Variants in TBC1D22A observed in about 807,000 individuals in gnomAD.
TBC1D22A encodes TBC1 domain family member 22A, also known as putative GTPase activator.
Under a neutral mutation model 60.2 loss-of-function variants are expected in TBC1D22A, and 38 were observed. That is an observed-to-expected ratio of 0.63 (90% CI 0.49 to 0.83). The LOEUF is 0.83. Ranked by LOEUF, TBC1D22A falls within the 40% of genes least tolerant of loss-of-function variation. The pLI, the probability that TBC1D22A is intolerant of heterozygous loss-of-function variation, is 0.00. For missense variants in TBC1D22A, 628 were observed against 701.0 expected, an observed-to-expected ratio of 0.90 and a Z score of 1.18; for synonymous variants, 302 against 281.7, an observed-to-expected ratio of 1.07 and a Z score of -0.72.
chr22:47,058,596 C>T (rs1050596429), intron 11 of TBC1D22A, among the ~76,000 whole-genome samples: 13 of 151,928 alleles, frequency 8.6e-5, no homozygotes, highest in Non-Finnish European at 1.8e-4. Flanking sequence ...GCCACTGTCC[C>T]CTGGTTCCGA....
intron 11 of TBC1D22A, among the ~76,000 whole-genome samples, chr22:47,076,752 AAAC>A (rs982105082): frequency 6.6e-5 from 10 of 152,198 alleles, no homozygotes; most frequent in Middle Eastern, 3.4e-3. Flanking sequence ...GGGGGAAAAC[AAAC>A]AACAACAGCA....
intron 8 of TBC1D22A, among the ~76,000 whole-genome samples, chr22:46,965,812 G>A (rs1032700201): frequency 1.3e-5 from 2 of 152,230 alleles, no homozygotes; most frequent in African/African-American, 4.8e-5. Flanking sequence ...TTTGCTACCT[G>A]GAGGGGCAGC....
intron 4 of TBC1D22A, among the ~76,000 whole-genome samples, chr22:46,860,545 C>A (rs2087811009): frequency 7.1e-6 from 1 of 140,868 alleles, no homozygotes; most frequent in Admixed American, 7.1e-5. Flanking sequence ...TTCCTGGGAC[C>A]AGAATCCTTT....
At position 46,762,737 on chromosome 22, in the gene TBC1D22A, G is replaced by T; in HGVS notation, c.-50G>T. The T allele has an allele frequency of 7.2e-7, 1 of 1,392,082 alleles. No homozygotes were observed. The highest frequency in any genetic ancestry group is 9.3e-7 in the Non-Finnish European group (1 of 1,072,374). The allele number at this position is 1,392,082 out of a possible 1,614,324, so 86.2% of individuals were successfully genotyped here. ...AGGAAAGGGCCGCTAGGGGAGGGCCGGGTGCACTCGGGGTGTCTGGGCCGC... is the reference window on the plus strand; with the variant it reads ...AGGAAAGGGCCGCTAGGGGAGGGCCTGGTGCACTCGGGGTGTCTGGGCCGC... On this transcript the variant is annotated 5_prime_UTR_variant, in exon 1 of 13. Transcript: ENST00000337137.
At chr22:47,150,089 T>G (rs2067443939) in intron 12 of TBC1D22A, among the ~76,000 whole-genome samples, 1 of 151,874 alleles carries the variant, frequency 6.6e-6, no homozygotes, top group African/African-American at 2.4e-5. Context: ...ATAAAATGAG[T>G]GGACTGCATT....
intron 10 of TBC1D22A, among the ~76,000 whole-genome samples, chr22:47,010,018 A>G (rs1022063767): frequency 3.3e-5 from 5 of 152,244 alleles, no homozygotes; most frequent in African/African-American, 1.2e-4. Context: ...GAAAATGCCA[A>G]CAAAACGCGG....
chr22:47,011,205 A>G (rs1308670279), intron 10 of TBC1D22A, among the ~76,000 whole-genome samples: 1 of 151,982 alleles, frequency 6.6e-6, no homozygotes, highest in Non-Finnish European at 1.5e-5. Context: ...GTTCCTCCCT[A>G]CCTACTTGGG....
At chr22:46,943,647 G>A (rs2072321683) in intron 8 of TBC1D22A, among the ~76,000 whole-genome samples, 1 of 152,196 alleles carries the variant, frequency 6.6e-6, no homozygotes, top group South Asian at 2.1e-4. Context: ...TGCAACAATT[G>A]CCACACTCTT....
chr22:46,886,465 C>T (rs770516413), intron 5 of TBC1D22A, among the ~76,000 whole-genome samples: 12 of 152,182 alleles, frequency 7.9e-5, no homozygotes, highest in Non-Finnish European at 1.2e-4. Flanking sequence ...GCGTCTGACA[C>T]GCGTGTAACC....
chr22:46,885,464 A>G (rs1326654126), intron 5 of TBC1D22A, among the ~76,000 whole-genome samples: 1 of 152,208 alleles, frequency 6.6e-6, no homozygotes, highest in African/African-American at 2.4e-5. Flanking sequence ...GAGCGTGGTG[A>G]GGACCCAGCC....
At chr22:46,818,778 A>G (rs906019525) in intron 4 of TBC1D22A, among the ~76,000 whole-genome samples, 6 of 152,172 alleles carry the variant, frequency 3.9e-5, no homozygotes, top group African/African-American at 1.4e-4. Context: ...GAAGAATGTC[A>G]ATGGTAGTTT....
chr22:47,098,516 C>A (rs895851801), intron 11 of TBC1D22A, among the ~76,000 whole-genome samples: 1 of 152,216 alleles, frequency 6.6e-6, no homozygotes, highest in Admixed American at 6.5e-5. Context: ...CTCCCCAACC[C>A]CATGCACCAG....
chr22:46,946,654 G>T (rs1393643981), intron 8 of TBC1D22A, among the ~76,000 whole-genome samples: 1 of 152,208 alleles, frequency 6.6e-6, no homozygotes. Context: ...TCCTGTTGAT[G>T]ACTGAGTTTC....
chr22:46,792,805 G>T, intron 2 of TBC1D22A: 1 of 1,452,604 alleles, frequency 6.9e-7, no homozygotes, highest in East Asian at 2.5e-5. Flanking sequence ...ATGTGGGGAG[G>T]TGGGGGAGCC....
intron 11 of TBC1D22A, among the ~76,000 whole-genome samples, chr22:47,041,826 C>T (rs1055027283): frequency 1.2e-4 from 18 of 152,216 alleles, no homozygotes; most frequent in Admixed American, 8.5e-4. Context: ...AACTTCTCTG[C>T]TGTTGAAGCA....
chr22:46,855,736 C>CG (rs1012649876), intron 4 of TBC1D22A, among the ~76,000 whole-genome samples: 11 of 152,166 alleles, frequency 7.2e-5, no homozygotes, highest in East Asian at 3.9e-4. Context: ...GTGAGCCAGC[C>CG]GGGGGGGTTG....
At position 47,135,940 on chromosome 22, in the gene TBC1D22A, C is replaced by T. The variant is rs142180324; in HGVS notation, c.1425+24337C>T. ...CATGTGCCAGGACCACCCGGACACA[C>T]GTGGTGAGGTCACTGTGGCCGAGTA... On this transcript the variant is annotated intron_variant, in intron 12 of 12. Coordinates refer to ENST00000337137, the MANE Select transcript of TBC1D22A (RefSeq NM_014346.5). Among the ~76,000 whole-genome samples, 1,178 of 152,308 alleles carry T rather than the reference C, an allele frequency of 7.7e-3. 44 individuals carry two copies. Among genetic ancestry groups the T allele is most frequent in the Admixed American group, 0.06 (911 of 15,308 alleles).
At chr22:46,963,920 G>C (rs559406231) in intron 8 of TBC1D22A, among the ~76,000 whole-genome samples, 1 of 152,354 alleles carries the variant, frequency 6.6e-6, no homozygotes, top group East Asian at 1.9e-4. Context: ...GCTGGCCACT[G>C]TTCCTTCTAT....
intron 8 of TBC1D22A, among the ~76,000 whole-genome samples, chr22:46,971,863 G>A (rs1298040348): frequency 1.3e-5 from 2 of 152,222 alleles, no homozygotes; most frequent in Non-Finnish European, 2.9e-5. Context: ...GTCAACCCGG[G>A]CTCCTGCGCC....
Sources: gnomAD v4.1 joint callset for allele counts (sites outside exome capture counted in the v4.1 genomes callset) on GRCh38, gnomAD v4.1.1 for gene constraint, MANE v1.5 for transcripts, NCBI Gene and HGNC (gene_info 2026-07-23, HGNC 2026-07-21) for gene names.